Variants in ARAP2 observed in about 807,000 individuals in gnomAD.
ARAP2 encodes arf-GAP with Rho-GAP domain, ANK repeat and PH domain-containing protein 2.
ARAP2 carries 148 observed loss-of-function variants against 194.5 expected under a neutral mutation model. That is an observed-to-expected ratio of 0.76 (90% confidence interval 0.67 to 0.87). ARAP2 has a LOEUF of 0.87. Among genes scored for constraint, ARAP2 ranks in the 40% least tolerant of loss-of-function variants. The pLI, the probability that ARAP2 is intolerant of heterozygous loss-of-function variation, is 0.00. For missense variants in ARAP2, 2,128 were observed against 1,989.7 expected, an observed-to-expected ratio of 1.07 and a Z score of -1.32; for synonymous variants, 695 against 683.5, an observed-to-expected ratio of 1.02 and a Z score of -0.26.
chr4:36,182,835 G>C (rs1407045490), intron 8 of ARAP2, among the ~76,000 whole-genome samples: 1 of 152,178 alleles, frequency 6.6e-6, no homozygotes, highest in African/African-American at 2.4e-5. Context: ...AGAAAGTTTG[G>C]TTGAGAGGGT....
chr4:36,239,663 C>T (rs1346466070), intron 1 of ARAP2, among the ~76,000 whole-genome samples: 1 of 152,170 alleles, frequency 6.6e-6, no homozygotes, highest in Non-Finnish European at 1.5e-5. Context: ...TTCAGTTCTA[C>T]CAACTGGAAA....
intron 9 of ARAP2, among the ~76,000 whole-genome samples, chr4:36,172,778 A>T (rs1282782028): frequency 6.6e-6 from 1 of 152,200 alleles, no homozygotes; most frequent in Non-Finnish European, 1.5e-5. Context: ...CGGTGCTTAA[A>T]CATTTGTTGA....
chr4:36,217,443 C>T lies in ARAP2; in HGVS notation c.906-2963G>A, dbSNP rs943696602. Among the ~76,000 whole-genome samples, 7 of 152,200 alleles carry T rather than the reference C, an allele frequency of 4.6e-5. No individual in the cohort carries two copies. In the South Asian group the frequency reaches 1.4e-3, roughly 32 times the overall value. Reference sequence around the variant, plus strand: ...GGCTGAGGCAGGAGAATCTCTTGAACCCAGGAGGCGGAGGTTGCAGTGAGC... The same window carrying T: ...GGCTGAGGCAGGAGAATCTCTTGAATCCAGGAGGCGGAGGTTGCAGTGAGC... On this transcript the variant is annotated intron_variant, in intron 2 of 32. Coordinates refer to ENST00000303965, the MANE Select transcript of ARAP2 (RefSeq NM_015230.4).
At chr4:36,113,350 C>G (rs1720509754) in intron 26 of ARAP2, among the ~76,000 whole-genome samples, 1 of 151,916 alleles carries the variant, frequency 6.6e-6, no homozygotes, top group Admixed American at 6.6e-5. Flanking sequence ...GAATTGTGCA[C>G]AATCATAATA....
At chr4:36,084,416 T>G (rs1730334176) in intron 28 of ARAP2, among the ~76,000 whole-genome samples, 1 of 152,116 alleles carries the variant, frequency 6.6e-6, no homozygotes. Context: ...TATATATATC[T>G]TCGTGTTGTT....
chr4:36,053,379 A>T (rs1723013401), intron 2 of ARAP2, among the ~76,000 whole-genome samples: 1 of 152,138 alleles, frequency 6.6e-6, no homozygotes, highest in Non-Finnish European at 1.5e-5. Flanking sequence ...ACATTCCTCA[A>T]CTGTTGCTAA....
intron 22 of ARAP2, among the ~76,000 whole-genome samples, chr4:36,123,621 A>G (rs1406961356): frequency 6.6e-6 from 1 of 151,772 alleles, no homozygotes; most frequent in Non-Finnish European, 1.5e-5. Flanking sequence ...TTTTCTCACC[A>G]GAAACTCAAC....
At chr4:36,176,815 G>A (rs1456449304) in intron 9 of ARAP2, among the ~76,000 whole-genome samples, 1 of 152,074 alleles carries the variant, frequency 6.6e-6, no homozygotes, top group East Asian at 1.9e-4. Context: ...CTAAAGTTCA[G>A]AGGATGCCTA....
At chr4:36,065,070 C>A, downstream of ARAP2, 1 of 196,624 alleles carries the variant, frequency 5.1e-6, no homozygotes, top group African/African-American at 2.3e-5. Flanking sequence ...GCAAGAGAGC[C>A]TTCAGAGTTG....
At chr4:36,142,571 G>T (rs911323080) in intron 19 of ARAP2, among the ~76,000 whole-genome samples, 1 of 151,454 alleles carries the variant, frequency 6.6e-6, no homozygotes, top group Non-Finnish European at 1.5e-5. Context: ...TTATCTTATG[G>T]AGTATGTATT....
In ARAP2 at chr4:36,161,543, A is replaced by G; in HGVS notation, c.2181T>C (p.His727=). The G allele has an allele frequency of 6.2e-7, 1 of 1,612,398 alleles. No individual in the cohort carries two copies. The highest frequency in any genetic ancestry group is 8.5e-7 in the Non-Finnish European group (1 of 1,178,424). ...VVICKKCAGQ[H]RSLGPKDSKV... ...TGGAATCTTTTGGTCCTAAAGATCTATGCTGTCCTAGAGTCAAAACACAAT... is the reference window on the plus strand; with the variant it reads ...TGGAATCTTTTGGTCCTAAAGATCTGTGCTGTCCTAGAGTCAAAACACAAT... Residue 727 remains histidine, a synonymous_variant, in exon 12 of 33, where the codon CAT becomes CAC. Transcript: ENST00000303965.
At chr4:36,042,737 TTG>T (rs1721072694) in intron 5 of ARAP2, among the ~76,000 whole-genome samples, 1 of 152,198 alleles carries the variant, frequency 6.6e-6, no homozygotes, top group Non-Finnish European at 1.5e-5. Context: ...AACATCTCCT[TTG>T]TGGATATCAT....
rs759516383 is a variant in ARAP2 at position 36,193,634 on chromosome 4, G to T, written c.1501C>A (p.Gln501Lys). 5.0e-6 allele frequency: 8 copies of T among 1,601,968 alleles called. No individual in the cohort carries two copies. The highest frequency in any genetic ancestry group is 1.3e-5 in the African/African-American group (1 of 74,604). ...CCATCAAATTTCACCCATCTCTTTT[G>T]AAACATGCGTTTTCTGCAAAACATA... ...KLSPQGKRMFQKRWVKFDGLS... is the reference protein window; with the variant it reads ...KLSPQGKRMFKKRWVKFDGLS... Residue 501 changes from glutamine to lysine, a missense_variant, in exon 7 of 33, where the codon CAA becomes AAA. Physicochemically the swap from Gln to Lys is moderately conservative, Grantham distance 53. Coordinates refer to ENST00000303965, the MANE Select transcript of ARAP2 (RefSeq NM_015230.4).
intron 32 of ARAP2, among the ~76,000 whole-genome samples, chr4:36,071,134 TAATG>T (rs1392674221): frequency 6.6e-6 from 1 of 152,216 alleles, no homozygotes; most frequent in Non-Finnish European, 1.5e-5. Context: ...TGAAAAAAAC[TAATG>T]AATTATTCCA....
chr4:36,189,237 T>C (rs1285016924), intron 7 of ARAP2, among the ~76,000 whole-genome samples: 1 of 152,180 alleles, frequency 6.6e-6, no homozygotes, highest in African/African-American at 2.4e-5. Context: ...TAAAAATCCT[T>C]TTCCACTATT....
rs73809130 is a variant in ARAP2 at position 36,142,795 on chromosome 4, T to C, written c.3263+4501A>G. ...GCTCCAACACAGGACTTCTTCCTTT[T>C]TATTTCCACAGAATCACCCTAAGTA... On this transcript the variant is annotated intron_variant, in intron 19 of 32. Coordinates refer to ENST00000303965, the MANE Select transcript of ARAP2 (RefSeq NM_015230.4). 6.3e-3 allele frequency among the ~76,000 whole-genome samples: 957 copies of C among 151,820 alleles called. 11 individuals are homozygous for C. The highest frequency in any genetic ancestry group is 0.022 in the African/African-American group (906 of 41,484).
Position 36,133,357 on chromosome 4 carries a change from T to C in ARAP2, c.3296A>G (p.Asp1099Gly), listed in dbSNP as rs1725889727. The change falls in exon 20 of 33, where the codon GAT becomes GGT. Residue 1099 changes from aspartate to glycine, a missense_variant. Physicochemically the swap from Asp to Gly is moderately conservative, Grantham distance 94. Transcript: ENST00000303965. The stretch of plus-strand genomic sequence containing the variant: ...AATTGCAGTATGCCAGACTGTGAAA[T>C]CCAACTTGGTATGCCCATGGATGTA... ...TLYIHGHTKL[D>G]FTVWHTAIEK... 1.2e-6 allele frequency: 2 copies of C among 1,611,064 alleles called. No individual in the cohort carries two copies. Among genetic ancestry groups the C allele is most frequent in the Non-Finnish European group, 1.7e-6 (2 of 1,178,054 alleles).
chr4:36,237,251 T>C (rs551256146), intron 1 of ARAP2, among the ~76,000 whole-genome samples: 1 of 152,340 alleles, frequency 6.6e-6, no homozygotes, highest in South Asian at 2.1e-4. Context: ...TATTTGCTAA[T>C]AAACTTATTG....
chr4:36,088,336 C>T (rs947309057), intron 28 of ARAP2, among the ~76,000 whole-genome samples: 1 of 152,152 alleles, frequency 6.6e-6, no homozygotes, highest in South Asian at 2.1e-4. Context: ...TCAGTTCTAG[C>T]TGACTAGAAT....
Sources: allele counts gnomAD v4.1 joint callset (sites outside exome capture counted in the v4.1 genomes callset), GRCh38; gene constraint gnomAD v4.1.1; transcripts MANE v1.5; gene names NCBI Gene and HGNC (gene_info 2026-07-23, HGNC 2026-07-21).